Variants in ZNF568 observed in about 807,000 individuals in gnomAD.
The protein encoded by ZNF568 is p53 inhibitor of SCO2 activation.
Under a neutral mutation model 18.1 loss-of-function variants are expected in ZNF568, and 11 were observed. The observed-to-expected ratio is 0.61, with a 90% confidence interval of 0.38 to 1.00. ZNF568 has a LOEUF of 1.00. Ranked by LOEUF, ZNF568 falls within the 50% of genes least tolerant of loss-of-function variation. ZNF568 has a pLI of 0.01. For missense variants in ZNF568, 639 were observed against 768.2 expected, an observed-to-expected ratio of 0.83 and a Z score of 1.99; for synonymous variants, 213 against 246.6, an observed-to-expected ratio of 0.86 and a Z score of 1.28.
intron 2 of ZNF568, among the ~76,000 whole-genome samples, chr19:36,921,181 G>A (rs1211116163): frequency 6.6e-6 from 1 of 152,050 alleles, no homozygotes; most frequent in Admixed American, 6.5e-5. Context: ...ATCACTGTCG[G>A]CCAAGCATGG....
At chr19:36,958,616 CTTTTTTTTTTT>C (rs35494587) in intron 6 of ZNF568, among the ~76,000 whole-genome samples, 3 of 99,130 alleles carry the variant, frequency 3.0e-5, no homozygotes, top group Non-Finnish European at 5.7e-5. Flanking sequence ...CTTTTTCTTT[CTTTTTTTTTTT>C]TTTTTTTTTT....
Position 36,924,382 on chromosome 19 carries a change from C to A in ZNF568, c.77-818C>A, listed in dbSNP as rs556288203. The stretch of plus-strand genomic sequence containing the variant: ...TACAGGCGCACGCCACTACGCCCAG[C>A]GAATTTTTGTATTTTTAGTAGAGAC... On this transcript the variant is annotated intron_variant, in intron 3 of 6. Coordinates refer to ENST00000333987, the MANE Select transcript of ZNF568 (RefSeq NM_198539.4). 1.1e-3 allele frequency among the ~76,000 whole-genome samples: 168 copies of A among 151,690 alleles called. 1 individual carries two copies. Among genetic ancestry groups the A allele is most frequent in the African/African-American group, 3.7e-3 (153 of 41,464 alleles).
intron 7 of ZNF568, among the ~76,000 whole-genome samples, chr19:36,975,927 C>T (rs1261117560): frequency 6.7e-6 from 1 of 148,724 alleles, no homozygotes; most frequent in African/African-American, 2.5e-5. Context: ...TACTCCTGAC[C>T]TTGTGATCTC....
chr19:36,991,751 G>A (rs2074426013), exon 4 of ZNF568: 2 of 1,565,714 alleles, frequency 1.3e-6, no homozygotes, highest in African/African-American at 1.3e-5. Flanking sequence ...TTTTGAGCAG[G>A]GCTTTCTGAT....
intron 3 of ZNF568, among the ~76,000 whole-genome samples, chr19:36,924,306 C>T (rs1296630953): frequency 6.6e-6 from 1 of 151,494 alleles, no homozygotes; most frequent in East Asian, 2.0e-4. Context: ...GCAACCTGCA[C>T]TTTCCGGGTT....
Position 36,950,969 on chromosome 19 carries a change from A to G in ZNF568, c.1816A>G (p.Arg606Gly), listed in dbSNP as rs2074051943. 6.2e-7 allele frequency: 1 copy of G among 1,613,810 alleles called. No individual in the cohort carries two copies. The highest frequency in any genetic ancestry group is 8.5e-7 in the Non-Finnish European group (1 of 1,179,918). Residue 606 changes from arginine (R) to glycine (G), a missense_variant, in exon 7 of 7, where the codon AGA (arginine) becomes GGA (glycine). Coordinates refer to ENST00000333987, the MANE Select transcript of ZNF568 (RefSeq NM_198539.4). Reference protein sequence around the residue: ...SQCSLLIIHMRSHTGEKPFEC... With the variant: ...SQCSLLIIHMGSHTGEKPFEC... Reference sequence around the variant, plus strand: ...GTGCTCATTACTTATTATACATATGAGAAGTCATACTGGTGAGAAACCCTT... The same window carrying G: ...GTGCTCATTACTTATTATACATATGGGAAGTCATACTGGTGAGAAACCCTT...
intron 6 of ZNF568, among the ~76,000 whole-genome samples, chr19:36,972,640 GC>G (rs2074245274): frequency 6.8e-6 from 1 of 145,998 alleles, no homozygotes; most frequent in Admixed American, 6.9e-5. Flanking sequence ...CGGGATTGTG[GC>G]CCAGGTCAGT....
intron 6 of ZNF568, among the ~76,000 whole-genome samples, chr19:36,961,706 A>G (rs1171801715): frequency 2.0e-5 from 3 of 152,066 alleles, no homozygotes; most frequent in African/African-American, 7.2e-5. Context: ...TACTTTTAGT[A>G]GAGATAGGGT....
intron 2 of ZNF568, among the ~76,000 whole-genome samples, chr19:36,918,903 C>A (rs2073402026): frequency 6.6e-6 from 1 of 152,098 alleles, no homozygotes; most frequent in South Asian, 2.1e-4. Context: ...GCTTTTGTGA[C>A]CCTGATTTAA....
At chr19:36,997,675 C>A, downstream of ZNF568, 1 of 1,069,196 alleles carries the variant, frequency 9.4e-7, no homozygotes, top group Non-Finnish European at 1.4e-6. Flanking sequence ...GGCCTCACAC[C>A]TTAGTCAACA....
At chr19:36,996,919 C>T in exon 5 of ZNF568, 1 of 1,538,488 alleles carries the variant, frequency 6.5e-7, no homozygotes, top group Non-Finnish European at 8.7e-7. Flanking sequence ...CACTGCACAG[C>T]TTAATCTACA....
At chr19:36,929,134 T>G (rs141422311) in intron 4 of ZNF568, among the ~76,000 whole-genome samples, 2 of 152,170 alleles carry the variant, frequency 1.3e-5, no homozygotes, top group East Asian at 3.9e-4. Flanking sequence ...AAAAAAAAAT[T>G]TTATAAAAAG....
At chr19:36,978,612 T>G (rs1034057040) in intron 7 of ZNF568, among the ~76,000 whole-genome samples, 1 of 152,190 alleles carries the variant, frequency 6.6e-6, no homozygotes, top group African/African-American at 2.4e-5. Flanking sequence ...TTATTTCCTA[T>G]AGCAAGATTC....
At position 36,951,283 on chromosome 19, in the gene ZNF568, A is replaced by G; in HGVS notation, c.*195A>G. On this transcript the variant is annotated 3_prime_UTR_variant, in exon 7 of 7. Transcript: ENST00000333987. ...AAAAACCTCAATTCTGAAAATCTAT[A>G]GACTGAATGCAGTTCCAAACAAAAT... 1 of 436,842 alleles carries G rather than the reference A, an allele frequency of 2.3e-6. No individual in the cohort carries two copies. Among genetic ancestry groups the G allele is most frequent in the Non-Finnish European group, 3.8e-6 (1 of 261,222 alleles). 27.1% of individuals were successfully genotyped at this position (436,842 alleles called of 1,614,324 possible). A position where few individuals can be genotyped will look rare whatever the true frequency, so the allele number is the denominator to read the frequency against.
intron 4 of ZNF568, among the ~76,000 whole-genome samples, chr19:36,993,155 G>A (rs1219572508): frequency 6.6e-6 from 1 of 152,138 alleles, no homozygotes; most frequent in Non-Finnish European, 1.5e-5. Context: ...TGTCATGAAA[G>A]GATTTTAGAA....
chr19:36,932,465 C>T (rs1359422685), intron 4 of ZNF568, among the ~76,000 whole-genome samples: 1 of 152,170 alleles, frequency 6.6e-6, no homozygotes, highest in African/African-American at 2.4e-5. Flanking sequence ...TGGCACATGC[C>T]TGTAATCCTA....
chr19:36,961,937 A>G (rs534202037), intron 6 of ZNF568, among the ~76,000 whole-genome samples: 1 of 145,548 alleles, frequency 6.9e-6, no homozygotes, highest in South Asian at 2.2e-4. Flanking sequence ...TGAGCCCCAC[A>G]AGTAGCTCCC....
chr19:36,985,866 A>C (rs2074372000), intron 2 of ZNF568, among the ~76,000 whole-genome samples: 1 of 152,080 alleles, frequency 6.6e-6, no homozygotes, highest in Admixed American at 6.6e-5. Context: ...AAATTCACAT[A>C]ATATATAGTT....
At position 36,952,149 on chromosome 19, in the gene ZNF568, G is replaced by A; in HGVS notation, c.*1061G>A. ...CATAAGAAATATATATATAATATAT[G>A]TATGTATGTATAGCCAGATGCAGTG... is the stretch of plus-strand genomic sequence containing the variant. On this transcript the variant is annotated 3_prime_UTR_variant, in exon 7 of 7. Transcript: ENST00000333987. 1.9e-6 allele frequency: 1 copy of A among 536,814 alleles called. No homozygotes were observed. The allele number at this position is 536,814 out of a possible 1,614,324, so 33.3% of individuals were successfully genotyped here. A position where few individuals can be genotyped will look rare whatever the true frequency, so the allele number is the denominator to read the frequency against.
Sources: allele counts gnomAD v4.1 joint callset (sites outside exome capture counted in the v4.1 genomes callset), GRCh38; gene constraint gnomAD v4.1.1; transcripts MANE v1.5; gene names NCBI Gene and HGNC (gene_info 2026-07-23, HGNC 2026-07-21).